KATNIP: variants seen among roughly 807,000 people sequenced by gnomAD.
KATNIP encodes the protein katanin interacting protein.
A neutral mutation model predicts 174.0 loss-of-function variants in KATNIP; 126 were observed. The ratio of observed to expected loss-of-function variants is 0.72; its 90% CI spans 0.63 to 0.84. KATNIP has a LOEUF of 0.84. Ranked by LOEUF, KATNIP falls within the 40% of genes least tolerant of loss-of-function variation. KATNIP has a pLI of 0.00. For missense variants in KATNIP, 1,958 were observed against 2,109.7 expected (o/e 0.93, Z 1.41); for synonymous variants, 810 against 835.7 (o/e 0.97, Z 0.53).
chr16:27,635,172 C>A (rs557989158), intron 5 of KATNIP, among the ~76,000 whole-genome samples: 18 of 152,270 alleles, frequency 1.2e-4, no homozygotes, highest in African/African-American at 4.3e-4. Context: ...AGTCAGAAAT[C>A]TATAAGGAAT....
At chr16:27,698,993 T>A (rs892980310) in intron 9 of KATNIP, among the ~76,000 whole-genome samples, 1 of 152,210 alleles carries the variant, frequency 6.6e-6, no homozygotes, top group African/African-American at 2.4e-5. Context: ...CCTTCAGCTT[T>A]GAGCAGCCAA....
intron 6 of KATNIP, among the ~76,000 whole-genome samples, chr16:27,650,192 T>C (rs1036487935): frequency 6.7e-6 from 1 of 149,578 alleles, no homozygotes; most frequent in African/African-American, 2.5e-5. Context: ...AGGAGTGGCT[T>C]GGCAAGGAGC....
chr16:27,677,687 G>T, intron 6 of KATNIP, 42 bp from the exon 7 acceptor site: 1 of 1,561,594 alleles, frequency 6.4e-7, no homozygotes, highest in Non-Finnish European at 8.7e-7. Context: ...TTTTCTCAAG[G>T]TACCATATTT....
intron 5 of KATNIP, among the ~76,000 whole-genome samples, chr16:27,638,424 A>G (rs530350546): frequency 2.6e-5 from 4 of 152,328 alleles, no homozygotes; most frequent in East Asian, 1.9e-4. Flanking sequence ...TAGACAGTCC[A>G]TGGAGACAGA....
intron 6 of KATNIP, among the ~76,000 whole-genome samples, chr16:27,653,574 CTG>C (rs1491279978): frequency 0.014 from 2,182 of 152,080 alleles, 18 homozygotes; most frequent in Non-Finnish European, 0.024. Context: ...TAAATGACCT[CTG>C]AGTGGGTGCC....
chr16:27,713,804 A>G (rs371223009), intron 13 of KATNIP, among the ~76,000 whole-genome samples: 6,431 of 57,180 alleles, frequency 0.11, 572 homozygotes, highest in African/African-American at 0.19. Flanking sequence ...GTGTGTGTGT[A>G]TATACATATA....
chr16:27,560,550 CT>C (rs1245763885), intron 1 of KATNIP, among the ~76,000 whole-genome samples: 1 of 152,166 alleles, frequency 6.6e-6, no homozygotes, highest in Non-Finnish European at 1.5e-5. Context: ...GCCCGAGACA[CT>C]TGGGGAGGTT....
chr16:27,617,826 C>G (rs1371717429), intron 2 of KATNIP, among the ~76,000 whole-genome samples: 1 of 152,112 alleles, frequency 6.6e-6, no homozygotes, highest in Admixed American at 6.6e-5. Flanking sequence ...CTTCAACTTC[C>G]AAGACTCAGG....
At chr16:27,610,849 G>A (rs1026418115) in intron 2 of KATNIP, among the ~76,000 whole-genome samples, 1 of 152,144 alleles carries the variant, frequency 6.6e-6, no homozygotes, top group African/African-American at 2.4e-5. Context: ...ATATCTGATT[G>A]CCTCCTTTGG....
At chr16:27,607,175 C>T (rs187006953) in intron 2 of KATNIP, among the ~76,000 whole-genome samples, 46 of 152,222 alleles carry the variant, frequency 3.0e-4, no homozygotes, top group Admixed American at 2.0e-3. Flanking sequence ...TTTCCACCCA[C>T]GCCACGTGGA....
rs2082530203 is a variant in KATNIP at position 27,777,191 on chromosome 16, A to T, written c.4551+162A>T. Among the ~76,000 whole-genome samples the T allele has an allele frequency of 6.6e-6, 1 of 152,212 alleles. No individual in the cohort carries two copies. Among genetic ancestry groups the T allele is most frequent in the Admixed American group, 6.5e-5 (1 of 15,276 alleles). ...AGGCGAATTTCCCACCCAACCATGAATTCAGAACCTGCTGGCAGTGATTTC... is the reference window on the plus strand; with the variant it reads ...AGGCGAATTTCCCACCCAACCATGATTTCAGAACCTGCTGGCAGTGATTTC... On this transcript the variant is annotated intron_variant, in intron 25 of 27. Transcript: ENST00000261588. The surrounding 1 kb of genome is among the most constrained non-coding windows in gnomAD (Gnocchi z 4.4).
In KATNIP at chr16:27,776,026, C is replaced by G. The variant is rs566681759; in HGVS notation, c.4450-902C>G. Among the ~76,000 whole-genome samples the G allele has an allele frequency of 4.8e-4, 73 of 152,316 alleles. No homozygotes were observed. Among genetic ancestry groups the G allele is most frequent in the African/African-American group, 1.7e-3 (71 of 41,574 alleles). ...AGCGGGTATTTTCCATTGTCTAGCACTGGAAGGCCTTTTGGGGTGCGGCGA... is the reference window on the plus strand; with the variant it reads ...AGCGGGTATTTTCCATTGTCTAGCAGTGGAAGGCCTTTTGGGGTGCGGCGA... On this transcript the variant is annotated intron_variant, in intron 24 of 27. Transcript: ENST00000261588. The surrounding 1 kb of genome is among the most constrained non-coding windows in gnomAD (Gnocchi z 4.7).
Position 27,677,734 on chromosome 16 carries a change from G to A in KATNIP, c.546G>A (p.Leu182=). 6.2e-7 allele frequency: 1 copy of A among 1,602,716 alleles called. No homozygotes were observed. Among genetic ancestry groups the A allele is most frequent in the East Asian group, 2.2e-5 (1 of 44,558 alleles). The change falls in exon 7 of 28, where the codon CTG becomes CTA. Residue 182 remains leucine (L), a synonymous_variant. Coordinates refer to ENST00000261588, the MANE Select transcript of KATNIP (RefSeq NM_015202.5). ...CTCTTCTGGGCTTTTTGCAGGAGCT[G>A]AGAAGAAGCCTGGAACTTAGTGTAA... ...NNTSEDRPQE[L]RRSLELSVNL...
intron 3 of KATNIP, among the ~76,000 whole-genome samples, chr16:27,619,628 T>C (rs944408343): frequency 6.6e-6 from 1 of 152,154 alleles, no homozygotes; most frequent in Non-Finnish European, 1.5e-5. Context: ...TCTCACGAAT[T>C]GCAGGAGTTT....
chr16:27,778,711 C>G lies in KATNIP; in HGVS notation c.*82C>G. 1.4e-6 allele frequency: 2 copies of G among 1,405,002 alleles called. No individual in the cohort carries two copies. The highest frequency in any genetic ancestry group is 2.0e-6 in the Non-Finnish European group (2 of 1,011,130). 87.0% of individuals were successfully genotyped at this position (1,405,002 alleles called of 1,614,324 possible). A position where few individuals can be genotyped will look rare whatever the true frequency, so the allele number is the denominator to read the frequency against. On this transcript the variant is annotated 3_prime_UTR_variant, in exon 28 of 28. Transcript: ENST00000261588. ...ACTCAGTGCCTGCGTCCCTCACCCT[C>G]AGTCCCAGGAGCTGGAAGCGAACCA...
Position 27,631,121 on chromosome 16 carries a change from C to T in KATNIP, c.367C>T (p.Arg123Trp), listed in dbSNP as rs187220970. The T allele has an allele frequency of 1.9e-5, 30 of 1,577,386 alleles. No homozygotes were observed. The highest frequency in any genetic ancestry group is 4.6e-5 in the East Asian group (2 of 43,310). The change falls in exon 5 of 28, where the codon CGG (arginine) becomes TGG (tryptophan). Residue 123 changes from arginine (R) to tryptophan (W), a missense_variant. This residue lies in a region of KATNIP where 1,557 missense variants were observed against 1,617.8 expected (regional missense o/e 0.96). Transcript: ENST00000261588. ...EAEEALRRSS[R>W]TAPSKVQRRG... ...TGAAGAAGCCTTAAGACGCAGTTCA[C>T]GGACAGCCCCCAGTAAAGTCCAGCG...
intron 15 of KATNIP, among the ~76,000 whole-genome samples, chr16:27,746,109 C>T (rs770856270): frequency 2.0e-5 from 3 of 151,992 alleles, no homozygotes; most frequent in East Asian, 1.9e-4. Flanking sequence ...GGATTATAGG[C>T]GTGAGCCACC....
At chr16:27,773,054 G>GAAA in intron 22 of KATNIP, 45 bp from the exon 23 acceptor site, 3 of 971,266 alleles carry the variant, frequency 3.1e-6, no homozygotes, top group East Asian at 3.2e-5. Flanking sequence ...ACTATATTCT[G>GAAA]AAAAAAAAAA....
chr16:27,681,375 C>CT, intron 7 of KATNIP, 24 bp from the exon 8 acceptor site: 1 of 1,613,916 alleles, frequency 6.2e-7, no homozygotes, highest in Non-Finnish European at 8.5e-7. Context: ...CAGCGTCTTA[C>CT]ATGAAACAAT....
Sources: gnomAD v4.1 joint callset for allele counts (sites outside exome capture counted in the v4.1 genomes callset) on GRCh38, gnomAD v4.1.1 for gene constraint, gnomAD v4.1.1 regional missense constraint, Gnocchi (gnomAD v3.1) non-coding constraint, MANE v1.5 for transcripts, NCBI Gene and HGNC (gene_info 2026-07-23, HGNC 2026-07-21) for gene names.